WDR91: variants seen among roughly 807,000 people sequenced by gnomAD.
WDR91 encodes WD repeat-containing protein 91.
Under a neutral mutation model 88.4 loss-of-function variants are expected in WDR91, and 52 were observed. That is an observed-to-expected ratio of 0.59 (90% CI 0.47 to 0.74). WDR91 has a LOEUF of 0.74. Ranked by LOEUF, WDR91 falls within the 30% of genes least tolerant of loss-of-function variation. WDR91 has a pLI of 0.00. For missense variants in WDR91, 824 were observed against 954.5 expected (o/e 0.86, Z 1.80); for synonymous variants, 362 against 389.5 (o/e 0.93, Z 0.83).
intron 13 of WDR91, among the ~76,000 whole-genome samples, 188 bp from the exon 14 acceptor site, chr7:135,187,357 T>A (rs1220511222): frequency 6.6e-6 from 1 of 152,192 alleles, no homozygotes. Context: ...GGTCTACAGG[T>A]CCTATCTCTG....
chr7:135,196,150 T>C lies in WDR91; in HGVS notation c.1238A>G (p.His413Arg). The C allele has an allele frequency of 6.5e-7, 1 of 1,547,440 alleles. No homozygotes were observed. The highest frequency in any genetic ancestry group is 8.7e-7 in the Non-Finnish European group (1 of 1,144,268). ...EYGEHHSSIM[H>R]CRVDCSGRRV... ...GGCCCCAGGCCCAACCCACCTGCAG[T>C]GCATGATGGATGAGTGGTGTTCCCC... is the stretch of plus-strand genomic sequence containing the variant. Residue 413 changes from histidine to arginine, a missense_variant, in exon 8 of 15, where the codon CAC (histidine) becomes CGC (arginine). By Grantham distance (29) the His-to-Arg change is conservative. Transcript: ENST00000354475. This position sits in a 1 kb window ranked among gnomAD's most constrained non-coding sequence, Gnocchi z 4.2.
At chr7:135,210,356 GA>G (rs201831577) in intron 1 of WDR91, among the ~76,000 whole-genome samples, 2 of 150,380 alleles carry the variant, frequency 1.3e-5, no homozygotes, top group African/African-American at 2.4e-5. Flanking sequence ...TGTCAAAAAA[GA>G]AAAAAAAATG....
intron 3 of WDR91, among the ~76,000 whole-genome samples, chr7:135,208,535 G>A (rs1397009279): frequency 6.6e-6 from 1 of 152,158 alleles, no homozygotes; most frequent in Non-Finnish European, 1.5e-5. Context: ...GCCAGTACTA[G>A]CACCCCACTG....
intron 1 of WDR91, 111 bp from the exon 2 acceptor site, chr7:135,209,866 G>T: frequency 3.1e-6 from 3 of 959,098 alleles, no homozygotes; most frequent in Non-Finnish European, 4.4e-6. Context: ...AAAAAAATTT[G>T]TAAGTTAGCA....
chr7:135,208,617 C>T (rs1045977072), intron 3 of WDR91, among the ~76,000 whole-genome samples, 174 bp downstream of exon 3: 3 of 152,186 alleles, frequency 2.0e-5, no homozygotes, highest in Non-Finnish European at 4.4e-5. Flanking sequence ...TTTATGATTC[C>T]CTGGCTTACT....
chr7:135,186,935 A>G, intron 14 of WDR91, 37 bp downstream of exon 14: 2 of 1,611,628 alleles, frequency 1.2e-6, no homozygotes, highest in Non-Finnish European at 8.5e-7. Flanking sequence ...CCTGCCCACC[A>G]CAATACCACT....
At chr7:135,191,797 A>G (rs987418751) in intron 11 of WDR91, among the ~76,000 whole-genome samples, 3 of 152,168 alleles carry the variant, frequency 2.0e-5, no homozygotes, top group Non-Finnish European at 2.9e-5. Context: ...CTATACACCT[A>G]TGATTTCAAT....
At position 135,196,869 on chromosome 7, in the gene WDR91, T is replaced by C. The variant is rs1259525054; in HGVS notation, c.1051-532A>G. On this transcript the variant is annotated intron_variant, in intron 7 of 14. Coordinates refer to ENST00000354475, the MANE Select transcript of WDR91 (RefSeq NM_014149.4). This position sits in a 1 kb window ranked among gnomAD's most constrained non-coding sequence, Gnocchi z 4.2. ...GTGGGTAAGAGGTAAGCCCGGCCCC[T>C]TTCCAGTGCACCCCTAGGCCCACCA... 6.6e-6 allele frequency among the ~76,000 whole-genome samples: 1 copy of C among 152,070 alleles called. No homozygotes were observed. The highest frequency in any genetic ancestry group is 1.5e-5 in the Non-Finnish European group (1 of 67,976).
In WDR91 at chr7:135,196,387, C is replaced by T; in HGVS notation, c.1051-50G>A. The T allele has an allele frequency of 2.0e-6, 3 of 1,465,436 alleles. No homozygotes were observed. The highest frequency in any genetic ancestry group is 1.8e-6 in the Non-Finnish European group (2 of 1,105,964). 90.8% of individuals were successfully genotyped at this position (1,465,436 alleles called of 1,614,324 possible). On this transcript the variant is annotated intron_variant, in intron 7 of 14. Transcript: ENST00000354475. This position sits in a 1 kb window ranked among gnomAD's most constrained non-coding sequence, Gnocchi z 4.2. ...GTCAGCCAGGAAAGGGTCCCCCACA[C>T]CAGGGTGTACACCGCAGGGGGTCTA... is the stretch of plus-strand genomic sequence containing the variant.
At chr7:135,189,165 G>A (rs904806575) in intron 12 of WDR91, among the ~76,000 whole-genome samples, 179 bp downstream of exon 12, 2 of 152,208 alleles carry the variant, frequency 1.3e-5, no homozygotes, top group African/African-American at 2.4e-5. Context: ...AACTATGGGC[G>A]AGTTTATTAC....
Position 135,194,946 on chromosome 7 carries a change from T to C in WDR91, c.1383A>G (p.Lys461=). The C allele has an allele frequency of 6.2e-7, 1 of 1,614,022 alleles. No homozygotes were observed. The highest frequency in any genetic ancestry group is 1.1e-5 in the South Asian group (1 of 91,054). The change falls in exon 9 of 15, where the codon AAA becomes AAG. Residue 461 remains lysine, a synonymous_variant. Transcript: ENST00000354475. ...SPLLSLEWAT[K]RDRLLLLGSG... ...CACCATTACTCACCAGTCTGTCCCG[T>C]TTGGTGGCCCATTCCAAAGACAGCA...
chr7:135,204,201 G>C, intron 6 of WDR91, 67 bp downstream of exon 6: 1 of 1,575,264 alleles, frequency 6.3e-7, no homozygotes, highest in Non-Finnish European at 8.7e-7. Context: ...TGACCAGGAG[G>C]TCTGGAAGCA....
intron 13 of WDR91, among the ~76,000 whole-genome samples, chr7:135,188,176 C>T (rs1831023626): frequency 6.6e-6 from 1 of 152,196 alleles, no homozygotes; most frequent in African/African-American, 2.4e-5. Context: ...AGCCCTAAAT[C>T]CAGACCCCAC....
chr7:135,189,375 T>A lies in WDR91; in HGVS notation c.1737A>T (p.Thr579=), dbSNP rs1276326683. 1 of 1,613,828 alleles carries A rather than the reference T, an allele frequency of 6.2e-7. No homozygotes were observed. The highest frequency in any genetic ancestry group is 8.5e-7 in the Non-Finnish European group (1 of 1,179,858). The change falls in exon 12 of 15, where the codon ACA becomes ACT. Residue 579 remains threonine, a synonymous_variant. Coordinates refer to ENST00000354475, the MANE Select transcript of WDR91 (RefSeq NM_014149.4). ...AFNHNGNLLV[T]GAADGVIRLF... is the part of the protein sequence containing the mutation. ...GCCGGATGACGCCATCAGCTGCCCC[T>A]GTGACCAGCAGGTTCCCGTTGTGAT...
chr7:135,190,325 C>T lies in WDR91; in HGVS notation c.1660-873G>A, dbSNP rs150776483. Among the ~76,000 whole-genome samples the T allele has an allele frequency of 2.4e-3, 359 of 152,198 alleles. 2 individuals are homozygous for T. The highest frequency in any genetic ancestry group is 8.3e-3 in the African/African-American group (343 of 41,538). ...AAACCTACTTCACAGAAAGGGATAA[C>T]AAGAAAACTTACCTCCCTGCAAATT... On this transcript the variant is annotated intron_variant, in intron 11 of 14. Transcript: ENST00000354475.
rs763982709 is a variant in WDR91, at chr7:135,208,814, A to G, written c.488T>C (p.Leu163Pro). Residue 163 changes from leucine (L) to proline (P), a missense_variant, in exon 3 of 15, where the codon CTG (leucine) becomes CCG (proline). Leu to Pro is a moderately conservative substitution (Grantham distance 98). Coordinates refer to ENST00000354475, the MANE Select transcript of WDR91 (RefSeq NM_014149.4). ...DTFIVSLHNF[L>P]SVLFQCMPVP... ...ATGCATGCACTGAAACAGGACGCTC[A>G]GGAAGTTGTGCAGGGACACAATGAA... The G allele has an allele frequency of 6.8e-6, 11 of 1,611,512 alleles. No individual in the cohort carries two copies. The highest frequency in any genetic ancestry group is 9.3e-6 in the Non-Finnish European group (11 of 1,178,350).
At chr7:135,199,137 T>C (rs1320376227) in intron 6 of WDR91, 1 of 152,250 alleles carries the variant, frequency 6.6e-6, no homozygotes, top group Non-Finnish European at 1.5e-5. Flanking sequence ...GTTCTTCTAC[T>C]TGTTATTTTT....
At position 135,209,720 on chromosome 7, in the gene WDR91, C is replaced by T; in HGVS notation, c.159G>A (p.Met53Ile). 6.2e-7 allele frequency: 1 copy of T among 1,610,736 alleles called. No homozygotes were observed. Among genetic ancestry groups the T allele is most frequent in the Non-Finnish European group, 8.5e-7 (1 of 1,178,706 alleles). The change falls in exon 2 of 15, where the codon ATG (methionine) becomes ATA (isoleucine). Residue 53 changes from methionine to isoleucine, a missense_variant. Transcript: ENST00000354475. Reference protein sequence around the residue: ...DKIVDQLQQLMQVYDLAALRD... With the variant: ...DKIVDQLQQLIQVYDLAALRD... ...GAAGGGCAGCCAAGTCATACACCTGCATTAACTGCTGCAGCTGGTCCACAA... is the reference window on the plus strand; with the variant it reads ...GAAGGGCAGCCAAGTCATACACCTGTATTAACTGCTGCAGCTGGTCCACAA...
chr7:135,209,623 T>G lies in WDR91; in HGVS notation c.256A>C (p.Lys86Gln), dbSNP rs778565423. 1 of 1,610,834 alleles carries G rather than the reference T, an allele frequency of 6.2e-7. No homozygotes were observed. Among genetic ancestry groups the G allele is most frequent in the Non-Finnish European group, 8.5e-7 (1 of 1,178,440 alleles). The change falls in exon 2 of 15, where the codon AAG becomes CAG. Residue 86 changes from lysine (K) to glutamine (Q), a missense_variant. Coordinates refer to ENST00000354475, the MANE Select transcript of WDR91 (RefSeq NM_014149.4). ...AATCGAAACAGGCTGGTTTTCAGCT[T>G]GTGGATTGTGGGTCTGTATATATCC... Reference protein sequence around the residue: ...LEDIYRPTIHKLKTSLFRFYL... With the variant: ...LEDIYRPTIHQLKTSLFRFYL...
Sources: allele counts gnomAD v4.1 joint callset (sites outside exome capture counted in the v4.1 genomes callset), GRCh38; gene constraint gnomAD v4.1.1; non-coding constraint Gnocchi (gnomAD v3.1); transcripts MANE v1.5; gene names NCBI Gene and HGNC (gene_info 2026-07-23, HGNC 2026-07-21).